The following VASH2 variants were observed in gnomAD, a reference collection of about 807,000 sequenced individuals.
VASH2 encodes the protein tubulinyl-Tyr carboxypeptidase 2.
Under a neutral mutation model 37.2 loss-of-function variants are expected in VASH2, and 28 were observed. That is an observed-to-expected ratio of 0.75 (90% CI 0.56 to 1.03). The LOEUF is 1.03. Ranked by LOEUF, VASH2 falls within the 50% of genes least tolerant of loss-of-function variation. The pLI, the probability that VASH2 is intolerant of heterozygous loss-of-function variation, is 0.00. For synonymous variants in VASH2, 188 were observed against 174.7 expected (o/e 1.08, Z -0.60); for missense variants, 419 against 459.1 (o/e 0.91, Z 0.80).
At chr1:212,966,419 A>T in intron 5 of VASH2, 74 bp downstream of exon 5, 1 of 1,256,670 alleles carries the variant, frequency 8.0e-7, no homozygotes. Flanking sequence ...TGTGCCTTTA[A>T]CATTGTAAAT....
intron 7 of VASH2, among the ~76,000 whole-genome samples, chr1:212,975,718 G>C (rs1667151875): frequency 6.6e-6 from 1 of 152,234 alleles, no homozygotes; most frequent in African/African-American, 2.4e-5. Context: ...GCTCATAAAA[G>C]AACTGATTTT....
At position 212,971,292 on chromosome 1, in the gene VASH2, A is replaced by G. The variant is rs1667004586; in HGVS notation, c.498-1288A>G. Among the ~76,000 whole-genome samples the G allele has an allele frequency of 6.6e-6, 1 of 152,220 alleles. No homozygotes were observed. The highest frequency in any genetic ancestry group is 2.4e-5 in the African/African-American group (1 of 41,454). On this transcript the variant is annotated intron_variant, in intron 5 of 7. Transcript: ENST00000517399. The surrounding 1 kb of genome is among the most constrained non-coding windows in gnomAD (Gnocchi z 4.0). ...ATACCTGCTGGGGTCGCTGCTTTCAATTCTTTTGGGTATGCACCCAGAAGT... is the reference window on the plus strand; with the variant it reads ...ATACCTGCTGGGGTCGCTGCTTTCAGTTCTTTTGGGTATGCACCCAGAAGT...
At chr1:212,957,829 A>G (rs1349745486) in intron 2 of VASH2, among the ~76,000 whole-genome samples, 2 of 151,758 alleles carry the variant, frequency 1.3e-5, no homozygotes, top group African/African-American at 4.8e-5. Flanking sequence ...CAAACTCCCA[A>G]CCTCAAGTGA....
chr1:212,972,031 C>T (rs966503824), intron 5 of VASH2, among the ~76,000 whole-genome samples: 1 of 152,200 alleles, frequency 6.6e-6, no homozygotes, highest in African/African-American at 2.4e-5. Context: ...AGGCTTGGTG[C>T]TGCTGCTCCC....
rs759720161 is a variant in VASH2, at chr1:212,989,966, C to T, written c.*1382C>T. ...ATGCCAACTCAGGAGAGCAGACGGC[C>T]GATTTCAGTGAAGTCTGGTAGTCAA... On this transcript the variant is annotated 3_prime_UTR_variant, in exon 8 of 8. Coordinates refer to ENST00000517399, the MANE Select transcript of VASH2 (RefSeq NM_001301056.2). 4.6e-5 allele frequency: 7 copies of T among 151,762 alleles called. No homozygotes were observed. The highest frequency in any genetic ancestry group is 1.0e-4 in the Non-Finnish European group (7 of 68,002). The allele number at this position is 151,762 out of a possible 1,614,324, so 9.4% of individuals were successfully genotyped here.
chr1:212,974,768 G>A (rs1029030394), intron 7 of VASH2: 5 of 152,228 alleles, frequency 3.3e-5, no homozygotes, highest in African/African-American at 7.2e-5. Flanking sequence ...ATAGCAGCAT[G>A]CTGTGTCACC....
chr1:212,974,096 C>T (rs781285089), intron 7 of VASH2, 26 bp downstream of exon 7: 39 of 1,593,918 alleles, frequency 2.4e-5, no homozygotes, highest in Admixed American at 6.9e-5. Flanking sequence ...TCTTCCCCAA[C>T]TCAAAGCCCA....
intron 2 of VASH2, among the ~76,000 whole-genome samples, chr1:212,952,964 T>C (rs1409930533): frequency 6.6e-6 from 1 of 152,206 alleles, no homozygotes; most frequent in Non-Finnish European, 1.5e-5. Flanking sequence ...TGTGCCCAAC[T>C]AGAATCTTGC....
At chr1:212,972,995 A>C (rs757697326) in intron 6 of VASH2, 34 bp downstream of exon 6, 3 of 1,590,490 alleles carry the variant, frequency 1.9e-6, no homozygotes, top group Non-Finnish European at 2.5e-6. Context: ...GCCATGCAGG[A>C]GAGCTCTTTT....
intron 3 of VASH2, among the ~76,000 whole-genome samples, chr1:212,965,185 G>A (rs1467462574): frequency 6.6e-6 from 1 of 152,088 alleles, no homozygotes; most frequent in African/African-American, 2.4e-5. Flanking sequence ...CCTCCCAATG[G>A]GGTTACAGGC....
intron 6 of VASH2, chr1:212,973,381 ACC>A: frequency 7.7e-7 from 1 of 1,291,072 alleles, no homozygotes; most frequent in Non-Finnish European, 1.0e-6. Context: ...TCTCAGTTTT[ACC>A]TCCAAAGTGA....
Position 212,951,629 on chromosome 1 carries a change from C to A in VASH2, c.87C>A (p.Pro29=). ...GTRSRSSHAR[P]VSLATSGGSE... ...GGTCCCGGAGCAGCCACGCGCGGCC[C>A]GTGAGCCTCGCCACCAGCGGGGGCT... is the stretch of plus-strand genomic sequence containing the variant. The change falls in exon 2 of 8, where the codon CCC becomes CCA. Residue 29 remains proline (P), a synonymous_variant. Transcript: ENST00000517399. This position sits in a 1 kb window ranked among gnomAD's most constrained non-coding sequence, Gnocchi z 4.4. The A allele has an allele frequency of 6.4e-7, 1 of 1,571,112 alleles. No homozygotes were observed. The highest frequency in any genetic ancestry group is 2.3e-5 in the East Asian group (1 of 42,882).
At chr1:212,964,590 C>A (rs1336750405) in intron 3 of VASH2, among the ~76,000 whole-genome samples, 5 of 152,222 alleles carry the variant, frequency 3.3e-5, no homozygotes, top group African/African-American at 1.2e-4. Flanking sequence ...GTCCCTGAGA[C>A]CTTCTGGGCA....
chr1:212,951,724 A>G lies in VASH2; in HGVS notation c.182A>G (p.His61Arg), dbSNP rs774571991. The G allele has an allele frequency of 1.9e-6, 3 of 1,605,836 alleles. No individual in the cohort carries two copies. The highest frequency in any genetic ancestry group is 2.5e-6 in the Non-Finnish European group (3 of 1,177,398). Residue 61 changes from histidine (H) to arginine (R), a missense_variant, in exon 2 of 8, where the codon CAC (histidine) becomes CGC (arginine). Physicochemically the swap from His to Arg is conservative, Grantham distance 29 (BLOSUM62 0). This residue lies in a region of VASH2 where 158 missense variants were observed against 163.0 expected (regional missense o/e 0.97). Transcript: ENST00000517399. This position sits in a 1 kb window ranked among gnomAD's most constrained non-coding sequence, Gnocchi z 4.4. ...VNKSGFPIDS[H>R]TWERMWMHVA... ...AAGAGCGGCTTCCCCATCGACAGCC[A>G]CACCTGGGAGCGCATGTGGATGCAC... is the stretch of plus-strand genomic sequence containing the variant.
intron 5 of VASH2, chr1:212,968,274 T>C: frequency 2.0e-6 from 2 of 985,178 alleles, no homozygotes; most frequent in Non-Finnish European, 2.4e-6. Context: ...AAAGATGAAA[T>C]CAGTATTTTT....
intron 3 of VASH2, among the ~76,000 whole-genome samples, chr1:212,964,965 G>C (rs1666795582): frequency 6.7e-6 from 1 of 150,266 alleles, no homozygotes; most frequent in East Asian, 1.9e-4. Flanking sequence ...ATGTTGCCCA[G>C]GCTGACGTGC....
chr1:212,968,948 A>G (rs571517395), intron 5 of VASH2: 1 of 985,340 alleles, frequency 1.0e-6, no homozygotes, highest in East Asian at 1.1e-4. Flanking sequence ...TCCCTGCACA[A>G]TTTTATACAT....
At chr1:212,987,597 C>A (rs1385383305) in intron 7 of VASH2, among the ~76,000 whole-genome samples, 3 of 152,092 alleles carry the variant, frequency 2.0e-5, no homozygotes, top group Admixed American at 6.6e-5. Flanking sequence ...AAAAACAAAA[C>A]AAAAACAAGG....
chr1:212,965,702 C>G lies in VASH2; in HGVS notation c.366-20C>G. 2 of 1,547,770 alleles carry G rather than the reference C, an allele frequency of 1.3e-6. No individual in the cohort carries two copies. The highest frequency in any genetic ancestry group is 1.7e-6 in the Non-Finnish European group (2 of 1,143,526). ...ACCTTTGGAGTTTTCTGTCACTTTCCCTTTACATACTTTACACAGATATAA... is the reference window on the plus strand; with the variant it reads ...ACCTTTGGAGTTTTCTGTCACTTTCGCTTTACATACTTTACACAGATATAA... On this transcript the variant is annotated intron_variant, in intron 3 of 7. Transcript: ENST00000517399.
Sources: allele counts gnomAD v4.1 joint callset (sites outside exome capture counted in the v4.1 genomes callset), GRCh38; gene constraint gnomAD v4.1.1; regional missense constraint gnomAD v4.1.1; non-coding constraint Gnocchi (gnomAD v3.1); transcripts MANE v1.5; gene names NCBI Gene and HGNC (gene_info 2026-07-23, HGNC 2026-07-21).